The following ZSCAN20 variants were observed in gnomAD, a reference collection of about 807,000 sequenced individuals.
The protein encoded by ZSCAN20 is zinc finger and SCAN domain containing 20.
Under a neutral mutation model 97.1 loss-of-function variants are expected in ZSCAN20, and 39 were observed. That is an observed-to-expected ratio of 0.40 (90% CI 0.31 to 0.52). The LOEUF is 0.52. Among genes scored for constraint, ZSCAN20 ranks in the 20% least tolerant of loss-of-function variants. The pLI is 0.49. For synonymous variants in ZSCAN20, 456 were observed against 467.3 expected (o/e 0.98, Z 0.31); for missense variants, 1,115 against 1,290.4 (o/e 0.86, Z 2.08).
At chr1:33,474,355 A>G (rs190014638) in intron 1 of ZSCAN20, among the ~76,000 whole-genome samples, 50 of 152,300 alleles carry the variant, frequency 3.3e-4, no homozygotes, top group African/African-American at 1.1e-3. Flanking sequence ...AAGAGTTCCC[A>G]GTTTTTTCTC....
In ZSCAN20 at chr1:33,496,988, G is replaced by A. The variant is rs557216741; in HGVS notation, c.*1512G>A. On this transcript the variant is annotated 3_prime_UTR_variant, in exon 8 of 8. Transcript: ENST00000684572. ...TTTAAAACTGTTGACCAAGGACTTC[G>A]GTTTCCATAGGACTTTAAAGGAAAA... Among the ~76,000 whole-genome samples, 2 of 152,152 alleles carry A rather than the reference G, an allele frequency of 1.3e-5. No individual in the cohort carries two copies. Among genetic ancestry groups the A allele is most frequent in the East Asian group, 1.9e-4 (1 of 5,194 alleles).
intron 2 of ZSCAN20, among the ~76,000 whole-genome samples, chr1:33,485,600 G>A (rs987324143): frequency 1.3e-5 from 2 of 151,178 alleles, no homozygotes; most frequent in Admixed American, 1.3e-4. Flanking sequence ...TTTTTGTTGA[G>A]ATGGGATTTC....
In ZSCAN20 at chr1:33,494,445, C is replaced by T; in HGVS notation, c.2101C>T (p.Gln701Ter). ...EEDLEKLIDH[Q>*]GLYLAEKPYK... ...GGACTTAGAAAAACTTATTGACCAT[C>T]AAGGCCTGTACCTTGCAGAGAAACC... Residue 701 changes from glutamine (Q) to a stop codon, truncating the protein, a stop_gained, in exon 8 of 8, where the codon CAA (glutamine) becomes TAA (stop). Coordinates refer to ENST00000684572, the MANE Select transcript of ZSCAN20 (RefSeq NM_001377376.1). LOFTEE classifies it high-confidence loss of function. 6.2e-7 allele frequency: 1 copy of T among 1,613,774 alleles called. No homozygotes were observed. The highest frequency in any genetic ancestry group is 8.5e-7 in the Non-Finnish European group (1 of 1,179,784).
At position 33,496,499 on chromosome 1, in the gene ZSCAN20, G is replaced by C. The variant is rs1046512292; in HGVS notation, c.*1023G>C. The C allele has an allele frequency of 9.2e-5, 14 of 152,184 alleles. No homozygotes were observed. Among genetic ancestry groups the C allele is most frequent in the African/African-American group, 3.4e-4 (14 of 41,508 alleles). 9.4% of individuals were successfully genotyped at this position (152,184 alleles called of 1,614,324 possible). ...GAGAGATATAGGTGGGTTGAGATTGGGAAAAATATGCGGCCTAAGTAATTT... is the reference window on the plus strand; with the variant it reads ...GAGAGATATAGGTGGGTTGAGATTGCGAAAAATATGCGGCCTAAGTAATTT... On this transcript the variant is annotated 3_prime_UTR_variant, in exon 8 of 8. Coordinates refer to ENST00000684572, the MANE Select transcript of ZSCAN20 (RefSeq NM_001377376.1).
At chr1:33,476,078 G>A (rs553024863) in intron 1 of ZSCAN20, among the ~76,000 whole-genome samples, 2 of 152,338 alleles carry the variant, frequency 1.3e-5, no homozygotes, top group South Asian at 2.1e-4. Context: ...GATTATGAAT[G>A]TGGAACACAG....
In ZSCAN20 at chr1:33,496,452, C is replaced by G. The variant is rs1409717901; in HGVS notation, c.*976C>G. 1 of 152,162 alleles carries G rather than the reference C, an allele frequency of 6.6e-6. No individual in the cohort carries two copies. Among genetic ancestry groups the G allele is most frequent in the African/African-American group, 2.4e-5 (1 of 41,420 alleles). The allele number at this position is 152,162 out of a possible 1,614,324, so 9.4% of individuals were successfully genotyped here. On this transcript the variant is annotated 3_prime_UTR_variant, in exon 8 of 8. Coordinates refer to ENST00000684572, the MANE Select transcript of ZSCAN20 (RefSeq NM_001377376.1). The stretch of plus-strand genomic sequence containing the variant: ...TTATCAAAATACTTGATGTGAGTTT[C>G]CATCTTCGCAATAATATGGGTGAGA...
Position 33,491,732 on chromosome 1 carries a change from G to T in ZSCAN20, c.1444+30G>T. 6.5e-7 allele frequency: 1 copy of T among 1,530,896 alleles called. No individual in the cohort carries two copies. Among genetic ancestry groups the T allele is most frequent in the South Asian group, 1.3e-5 (1 of 76,518 alleles). 94.8% of individuals were successfully genotyped at this position (1,530,896 alleles called of 1,614,324 possible). On this transcript the variant is annotated intron_variant, in intron 6 of 7. Transcript: ENST00000684572. The surrounding 1 kb of genome is among the most constrained non-coding windows in gnomAD (Gnocchi z 4.3). ...GAACATGGGGGTTTAGTCAGATTCA[G>T]ATTTCCAACCCTCCTACCAGCTAGA...
intron 1 of ZSCAN20, among the ~76,000 whole-genome samples, chr1:33,475,741 C>T (rs987480260): frequency 6.6e-6 from 1 of 152,022 alleles, no homozygotes; most frequent in Admixed American, 6.6e-5. Flanking sequence ...CTCACTGCAA[C>T]CTCCGCCTCC....
chr1:33,497,471 G>A lies in ZSCAN20; in HGVS notation c.*1995G>A, dbSNP rs1652915714. Among the ~76,000 whole-genome samples, 1 of 152,188 alleles carries A rather than the reference G, an allele frequency of 6.6e-6. No individual in the cohort carries two copies. Among genetic ancestry groups the A allele is most frequent in the Admixed American group, 6.5e-5 (1 of 15,278 alleles). On this transcript the variant is annotated 3_prime_UTR_variant, in exon 8 of 8. Transcript: ENST00000684572. ...GTGGAATAGCATGGATTCAGGGTGG[G>A]GTTGTATGATGGGAGGTTGGGAACA... is the stretch of plus-strand genomic sequence containing the variant.
intron 2 of ZSCAN20, among the ~76,000 whole-genome samples, chr1:33,487,001 A>T (rs1348603698): frequency 1.3e-5 from 2 of 152,208 alleles, no homozygotes; most frequent in Non-Finnish European, 2.9e-5. Context: ...GATAGTTGTT[A>T]TTATTTTGGT....
intron 1 of ZSCAN20, among the ~76,000 whole-genome samples, chr1:33,478,780 G>A (rs1367030755): frequency 6.6e-6 from 1 of 152,136 alleles, no homozygotes; most frequent in African/African-American, 2.4e-5. Flanking sequence ...TTGGACATGT[G>A]TAGAAGGGAG....
chr1:33,493,355 A>G lies in ZSCAN20; in HGVS notation c.1613A>G (p.Tyr538Cys), dbSNP rs760789095. The change falls in exon 7 of 8, where the codon TAC becomes TGC. Residue 538 changes from tyrosine (Y) to cysteine (C), a missense_variant. Physicochemically the swap from Tyr to Cys is radical, Grantham distance 194. This residue lies in a region of ZSCAN20 where 53 missense variants were observed against 94.3 expected (regional missense o/e 0.56). Transcript: ENST00000684572. The surrounding 1 kb of genome is among the most constrained non-coding windows in gnomAD (Gnocchi z 4.3). ...GFLRTLEQCR[Y>C]RFKNLLRSYR... ...CTGCGGACACTGGAGCAGTGTCGCT[A>G]CAGATTCAAAAACCTCCTTCGAAGC... is the stretch of plus-strand genomic sequence containing the variant. The G allele has an allele frequency of 1.2e-6, 2 of 1,614,174 alleles. No homozygotes were observed. Among genetic ancestry groups the G allele is most frequent in the Admixed American group, 3.3e-5 (2 of 60,030 alleles).
Position 33,493,205 on chromosome 1 carries a change from A to G in ZSCAN20, c.1463A>G (p.Tyr488Cys). 1.2e-6 allele frequency: 2 copies of G among 1,614,068 alleles called. No homozygotes were observed. Among genetic ancestry groups the G allele is most frequent in the Non-Finnish European group, 1.7e-6 (2 of 1,179,966 alleles). Residue 488 changes from tyrosine to cysteine, a missense_variant, in exon 7 of 8, where the codon TAT becomes TGT. Tyr to Cys is a radical substitution (Grantham distance 194). This residue lies in a region of ZSCAN20 where 508 missense variants were observed against 611.2 expected (regional missense o/e 0.83). Coordinates refer to ENST00000684572, the MANE Select transcript of ZSCAN20 (RefSeq NM_001377376.1). This position sits in a 1 kb window ranked among gnomAD's most constrained non-coding sequence, Gnocchi z 4.3. ...QSRIAGVHWG[Y>C]EETKAFLAIL... ...CTGACAGCAGGTGTGCACTGGGGCT[A>G]TGAGGAGACCAAGGCCTTCCTGGCA...
Position 33,491,798 on chromosome 1 carries a change from A to G in ZSCAN20, c.1444+96A>G. The G allele has an allele frequency of 7.7e-7, 1 of 1,302,346 alleles. No individual in the cohort carries two copies. The highest frequency in any genetic ancestry group is 2.6e-4 in the Middle Eastern group (1 of 3,780). The allele number at this position is 1,302,346 out of a possible 1,614,324, so 80.7% of individuals were successfully genotyped here. On this transcript the variant is annotated intron_variant, in intron 6 of 7. Transcript: ENST00000684572. The surrounding 1 kb of genome is among the most constrained non-coding windows in gnomAD (Gnocchi z 4.3). ...GTCAGGGCACAGGCTGCAAGTCTGGATTGAAGCCACTAGAGTGAAGAGCTA... is the reference window on the plus strand; with the variant it reads ...GTCAGGGCACAGGCTGCAAGTCTGGGTTGAAGCCACTAGAGTGAAGAGCTA...
rs966319410 is a variant in ZSCAN20 at position 33,497,710 on chromosome 1, C to A, written c.*2234C>A. On this transcript the variant is annotated 3_prime_UTR_variant, in exon 8 of 8. Transcript: ENST00000684572. Reference sequence around the variant, plus strand: ...AGGGTCTGAACTAGAGCAGTGGTGACACTGAGGAGGAGGGAATGAATGGGA... The same window carrying A: ...AGGGTCTGAACTAGAGCAGTGGTGAAACTGAGGAGGAGGGAATGAATGGGA... Among the ~76,000 whole-genome samples the A allele has an allele frequency of 1.3e-5, 2 of 152,152 alleles. No homozygotes were observed. The highest frequency in any genetic ancestry group is 4.8e-5 in the African/African-American group (2 of 41,516).
In ZSCAN20 at chr1:33,494,223, G is replaced by C; in HGVS notation, c.1879G>C (p.Glu627Gln). 1 of 1,556,034 alleles carries C rather than the reference G, an allele frequency of 6.4e-7. No individual in the cohort carries two copies. The change falls in exon 8 of 8, where the codon GAA becomes CAA. Residue 627 changes from glutamate (E) to glutamine (Q), a missense_variant. Around this residue, in one of 3 missense-constraint regions of ZSCAN20, gnomAD observed 554 missense variants for 584.9 expected, o/e 0.95. Coordinates refer to ENST00000684572, the MANE Select transcript of ZSCAN20 (RefSeq NM_001377376.1). The part of the protein sequence containing the change: ...LCPKAPDMGF[E>Q]MRHEDEDQIS... ...ATTTCTGTCCATTTTTTCAGGTTTT[G>C]AAATGAGGCATGAGGATGAAGACCA...
chr1:33,480,365 A>G (rs1038614897), intron 2 of ZSCAN20, among the ~76,000 whole-genome samples: 2 of 152,054 alleles, frequency 1.3e-5, no homozygotes, highest in Non-Finnish European at 2.9e-5. Flanking sequence ...AAACGAAACA[A>G]AACAAAATGC....
Position 33,497,976 on chromosome 1 carries a change from C to A in ZSCAN20, c.*2500C>A, listed in dbSNP as rs1652934258. ...TAGGGGAGAGGCTAGGACTAGAGATCTGTGTATGCGAAGTAGTTAAACTAA... is the reference window on the plus strand; with the variant it reads ...TAGGGGAGAGGCTAGGACTAGAGATATGTGTATGCGAAGTAGTTAAACTAA... On this transcript the variant is annotated 3_prime_UTR_variant, in exon 8 of 8. Transcript: ENST00000684572. Among the ~76,000 whole-genome samples the A allele has an allele frequency of 6.6e-6, 1 of 152,098 alleles. No individual in the cohort carries two copies. The highest frequency in any genetic ancestry group is 1.5e-5 in the Non-Finnish European group (1 of 68,016).
At chr1:33,482,200 G>A (rs1214535096) in intron 2 of ZSCAN20, among the ~76,000 whole-genome samples, 1 of 152,150 alleles carries the variant, frequency 6.6e-6, no homozygotes, top group Non-Finnish European at 1.5e-5. Context: ...CTTCACTGCT[G>A]TAAAAACCCT....
Sources: allele counts gnomAD v4.1 joint callset (sites outside exome capture counted in the v4.1 genomes callset), GRCh38; gene constraint gnomAD v4.1.1; regional missense constraint gnomAD v4.1.1; non-coding constraint Gnocchi (gnomAD v3.1); transcripts MANE v1.5; gene names NCBI Gene and HGNC (gene_info 2026-07-23, HGNC 2026-07-21).